DDX60L: variants seen among roughly 807,000 people sequenced by gnomAD.
DDX60L encodes the protein DExD/H-box 60 like, also known as probable ATP-dependent RNA helicase DDX60-like.
Under a neutral mutation model 211.6 loss-of-function variants are expected in DDX60L, and 191 were observed. The ratio of observed to expected loss-of-function variants is 0.90; its 90% CI spans 0.80 to 1.02. The LOEUF (loss-of-function observed/expected upper bound fraction) is 1.02. Ranked by LOEUF, DDX60L falls within the 50% of genes least tolerant of loss-of-function variation. DDX60L has a pLI of 0.00. For missense variants in DDX60L, 2,007 were observed against 1,984.1 expected, an observed-to-expected ratio of 1.01 and a Z score of -0.22; for synonymous variants, 706 against 694.1, an observed-to-expected ratio of 1.02 and a Z score of -0.27.
chr4:168,390,639 G>GTT (rs34009039), intron 29 of DDX60L: 54,628 of 425,630 alleles, frequency 0.13, 2 homozygotes, highest in Middle Eastern at 0.19. Context: ...ATTATTGTCA[G>GTT]TTTTTTTTTT....
chr4:168,461,936 A>T lies in DDX60L; in HGVS notation c.369T>A (p.Phe123Leu), dbSNP rs565753110. ...HNTNIDVQTE[F>L]SGCLSQDWKL... ...TCCAATCTTGTGATAAGCATCCAGA[A>T]AACTCCGTTTGCACATCAATGTTAG... Residue 123 changes from phenylalanine (F) to leucine (L), a missense_variant, in exon 5 of 38, where the codon TTT (phenylalanine) becomes TTA (leucine). Transcript: ENST00000682922. The T allele has an allele frequency of 3.4e-5, 55 of 1,613,094 alleles. 1 individual carries two copies. In the South Asian group the frequency reaches 5.8e-4, roughly 17 times the overall value.
rs1310766856 is a variant in DDX60L, at chr4:168,461,706, G to GA, written c.598dup (p.Ser200PhefsTer5). On this transcript the variant is annotated frameshift_variant, in exon 5 of 38. Transcript: ENST00000682922. LOFTEE classifies it high-confidence loss of function. Reference sequence around the variant, plus strand: ...GTTATTAATGTCAATTACCTCCTTGGAAAAAGTTTGGTTTCTGTCTGTGCT... The same window carrying GA: ...GTTATTAATGTCAATTACCTCCTTGGAAAAAAGTTTGGTTTCTGTCTGTGCT... 1 of 1,530,012 alleles carries GA rather than the reference G, an allele frequency of 6.5e-7. No individual in the cohort carries two copies. The highest frequency in any genetic ancestry group is 1.4e-5 in the African/African-American group (1 of 72,224). The allele number at this position is 1,530,012 out of a possible 1,614,324, so 94.8% of individuals were successfully genotyped here.
chr4:168,437,421 T>C (rs1753193589), intron 10 of DDX60L, among the ~76,000 whole-genome samples: 2 of 152,048 alleles, frequency 1.3e-5, no homozygotes, highest in Non-Finnish European at 2.9e-5. Context: ...GCCAGCAGCC[T>C]CCAGAAGCTG....
chr4:168,471,666 T>G, intron 4 of DDX60L, 81 bp downstream of exon 4: 1 of 1,140,018 alleles, frequency 8.8e-7, no homozygotes, highest in Non-Finnish European at 1.2e-6. Context: ...ATGCTTCATT[T>G]TAGGTCAAAG....
At chr4:168,410,425 T>C (rs930139440) in intron 22 of DDX60L, among the ~76,000 whole-genome samples, 1 of 152,142 alleles carries the variant, frequency 6.6e-6, no homozygotes, top group Non-Finnish European at 1.5e-5. Flanking sequence ...CTGAGGAAAG[T>C]CTAAGTTATA....
At position 168,422,520 on chromosome 4, in the gene DDX60L, T is replaced by G. The variant is rs1212914488; in HGVS notation, c.2244+4A>C. On this transcript the variant is annotated splice_donor_region_variant and intron_variant, in intron 16 of 37. Coordinates refer to ENST00000682922, the MANE Select transcript of DDX60L (RefSeq NM_001012967.3). ...TAGAAAAGTACAATGTTTGTTGTCA[T>G]TACCTGCCATGCGTTGGGAATAAAA... The G allele has an allele frequency of 6.2e-7, 1 of 1,606,238 alleles. No individual in the cohort carries two copies. Among genetic ancestry groups the G allele is most frequent in the Non-Finnish European group, 8.5e-7 (1 of 1,177,588 alleles).
chr4:168,384,785 G>C lies in DDX60L; in HGVS notation c.3943C>G (p.Gln1315Glu). The part of the protein sequence containing the change: ...QMSGRAGRRG[Q>E]DLLGNVYFFD... ...AAATACACATTTCCAAGCAGGTCTT[G>C]ACCTCTTCTTCCAGCACGACCAGAC... The change falls in exon 30 of 38, where the codon CAA (glutamine) becomes GAA (glutamate). Residue 1315 changes from glutamine (Q) to glutamate (E), a missense_variant. By Grantham distance (29) the Gln-to-Glu change is conservative. Coordinates refer to ENST00000682922, the MANE Select transcript of DDX60L (RefSeq NM_001012967.3). 1 of 1,613,394 alleles carries C rather than the reference G, an allele frequency of 6.2e-7. No individual in the cohort carries two copies. The highest frequency in any genetic ancestry group is 8.5e-7 in the Non-Finnish European group (1 of 1,179,674).
intron 26 of DDX60L, among the ~76,000 whole-genome samples, chr4:168,396,649 C>A (rs984221595): frequency 2.0e-5 from 3 of 151,926 alleles, no homozygotes; most frequent in African/African-American, 4.8e-5. Flanking sequence ...TGGCCCATAT[C>A]ATTCATTACA....
intron 22 of DDX60L, among the ~76,000 whole-genome samples, chr4:168,411,134 G>A (rs1383681141): frequency 1.3e-5 from 2 of 152,130 alleles, no homozygotes; most frequent in Non-Finnish European, 1.5e-5. Flanking sequence ...CTTGATGTCC[G>A]TGTACCTGAG....
chr4:168,415,576 T>C (rs1749416166), intron 21 of DDX60L, 59 bp from the exon 22 acceptor site: 1 of 1,442,450 alleles, frequency 6.9e-7, no homozygotes, highest in Non-Finnish European at 9.4e-7. Context: ...AGAATATGGA[T>C]TTAAAACACA....
chr4:168,449,651 G>GAAAAAAAAAAAAAAAA (rs1561098576), intron 8 of DDX60L, among the ~76,000 whole-genome samples: 1 of 7,516 alleles, frequency 1.3e-4, no homozygotes, highest in Non-Finnish European at 2.2e-4. Context: ...AAAAAAAAAT[G>GAAAAAAAAAAAAAAAA]CAAAAAAAAA....
chr4:168,476,833 C>T (rs1759566917), intron 1 of DDX60L, among the ~76,000 whole-genome samples: 1 of 152,126 alleles, frequency 6.6e-6, no homozygotes, highest in Non-Finnish European at 1.5e-5. Context: ...ACCAATGGAA[C>T]GTGAGTGGAA....
In DDX60L at chr4:168,369,950, G is replaced by A. The variant is rs564610845; in HGVS notation, c.4928+1662C>T. 9.2e-5 allele frequency among the ~76,000 whole-genome samples: 14 copies of A among 152,192 alleles called. No individual in the cohort carries two copies. In the South Asian group the frequency reaches 1.0e-3, roughly 11 times the overall value. ...TGTTGGTGTGAATGTGACGGAAAGG[G>A]AACCCTTACATGCTGTGGGTAGGAT... On this transcript the variant is annotated intron_variant, in intron 36 of 37. Transcript: ENST00000682922.
At chr4:168,378,245 C>T in intron 33 of DDX60L, 109 bp downstream of exon 33, 2 of 575,656 alleles carry the variant, frequency 3.5e-6, no homozygotes, top group South Asian at 9.1e-5. Flanking sequence ...ACTATTAAAA[C>T]AAATGGAGTA....
intron 1 of DDX60L, among the ~76,000 whole-genome samples, chr4:168,473,090 C>T (rs574211846): frequency 2.6e-5 from 4 of 152,074 alleles, no homozygotes; most frequent in Non-Finnish European, 5.9e-5. Context: ...TCTTGGCAAA[C>T]AGAACAGCAT....
In DDX60L at chr4:168,471,729, T is replaced by A. The variant is rs2150144138; in HGVS notation, c.264+18A>T. ...TAGTCTTCAAAGGACTAAAACGACA[T>A]CAATCATCATATATTACCTTAAAGA... On this transcript the variant is annotated intron_variant, in intron 4 of 37. Transcript: ENST00000682922. 6.4e-7 allele frequency: 1 copy of A among 1,569,706 alleles called. No homozygotes were observed. Among genetic ancestry groups the A allele is most frequent in the East Asian group, 2.3e-5 (1 of 44,426 alleles).
chr4:168,376,987 C>G (rs1742066124), intron 33 of DDX60L, among the ~76,000 whole-genome samples: 1 of 152,096 alleles, frequency 6.6e-6, no homozygotes, highest in African/African-American at 2.4e-5. Context: ...AATTATACAT[C>G]AGTTTTAAAA....
intron 29 of DDX60L, among the ~76,000 whole-genome samples, chr4:168,385,690 G>A (rs1743742472): frequency 6.6e-6 from 1 of 152,076 alleles, no homozygotes; most frequent in African/African-American, 2.4e-5. Flanking sequence ...ACTCGGTGGT[G>A]AGCAGAAATC....
chr4:168,424,283 C>A (rs1751124737), intron 14 of DDX60L, among the ~76,000 whole-genome samples: 1 of 152,220 alleles, frequency 6.6e-6, no homozygotes, highest in African/African-American at 2.4e-5. Context: ...GGCTAAGATA[C>A]AACCTCACTG....
Sources: gnomAD v4.1 joint callset for allele counts (sites outside exome capture counted in the v4.1 genomes callset) on GRCh38, gnomAD v4.1.1 for gene constraint, MANE v1.5 for transcripts, NCBI Gene and HGNC (gene_info 2026-07-23, HGNC 2026-07-21) for gene names.